The following ZNF486 variants were observed in gnomAD, a reference collection of about 807,000 sequenced individuals.
The protein encoded by ZNF486 is KRAB box only protein 2.
A neutral mutation model predicts 12.8 loss-of-function variants in ZNF486; 12 were observed. The ratio of observed to expected loss-of-function variants is 0.94; its 90% confidence interval spans 0.60 to 1.52. The LOEUF (loss-of-function observed/expected upper bound fraction) is 1.52. Among genes scored for constraint, ZNF486 ranks in the 40% most tolerant of loss-of-function variants. ZNF486 has a pLI of 0.00. For synonymous variants in ZNF486, 231 were observed against 184.9 expected, an observed-to-expected ratio of 1.25 and a Z score of -2.02; for missense variants, 738 against 545.0, an observed-to-expected ratio of 1.35 and a Z score of -3.53.
At chr19:20,172,855 C>G (rs1555714101) in intron 1 of ZNF486, among the ~76,000 whole-genome samples, 1 of 151,680 alleles carries the variant, frequency 6.6e-6, no homozygotes, top group Non-Finnish European at 1.5e-5. Context: ...GTTGGTCAGG[C>G]TGGTCTTGAA....
At chr19:20,169,854 G>A (rs964682111) in intron 1 of ZNF486, among the ~76,000 whole-genome samples, 3 of 149,656 alleles carry the variant, frequency 2.0e-5, no homozygotes, top group Non-Finnish European at 4.4e-5. Context: ...TGAAATCACC[G>A]TGTTCTTAGA....
Position 20,175,331 on chromosome 19 carries a change from ATT to A in ZNF486, c.30+7989_30+7990del, listed in dbSNP as rs782300626. ...GGTGTCTGTTTCAGAAGCCCTATTA[ATT>A]TTTTTTTTTTTTTTTTTATTGATCA... is the stretch of plus-strand genomic sequence containing the variant. On this transcript the variant is annotated intron_variant, in intron 1 of 3. Transcript: ENST00000335117. The A allele has an allele frequency of 1.8e-3, 210 of 119,868 alleles. 2 individuals carry two copies. The highest frequency in any genetic ancestry group is 9.2e-3 in the Admixed American group (106 of 11,462). The allele number at this position is 119,868 out of a possible 1,614,324, so 7.4% of individuals were successfully genotyped here.
chr19:20,170,510 T>A lies in ZNF486; in HGVS notation c.30+3150T>A, dbSNP rs118006115. Among the ~76,000 whole-genome samples the A allele has an allele frequency of 7.4e-3, 1,116 of 151,606 alleles. 19 individuals carry two copies. Among genetic ancestry groups the A allele is most frequent in the African/African-American group, 0.026 (1,064 of 41,318 alleles). ...TGAACCTGGGAGGTGAAGGTTGCAG[T>A]GAGCAGTGAGTCAAGATGGTGCCAC... is the stretch of plus-strand genomic sequence containing the variant. On this transcript the variant is annotated intron_variant, in intron 1 of 3. Coordinates refer to ENST00000335117, the MANE Select transcript of ZNF486 (RefSeq NM_052852.4).
At chr19:20,186,784 GTTT>G (rs57907168) in intron 3 of ZNF486, among the ~76,000 whole-genome samples, 81 of 122,454 alleles carry the variant, frequency 6.6e-4, no homozygotes, top group Non-Finnish European at 3.9e-4. Flanking sequence ...ATTTTCATAG[GTTT>G]TTTTTTTTTT....
At chr19:20,194,742 C>T (rs1221475550) in intron 3 of ZNF486, among the ~76,000 whole-genome samples, 2 of 151,786 alleles carry the variant, frequency 1.3e-5, no homozygotes, top group Non-Finnish European at 2.9e-5. Flanking sequence ...AAAAAAAATT[C>T]TCTGGTTATC....
Position 20,169,888 on chromosome 19 carries a change from G to GTT in ZNF486, c.30+2549_30+2550dup, listed in dbSNP as rs781968530. Among the ~76,000 whole-genome samples, 1,043 of 108,842 alleles carry GTT rather than the reference G, an allele frequency of 9.6e-3. 38 individuals are homozygous for GTT. The highest frequency in any genetic ancestry group is 0.031 in the African/African-American group (815 of 26,000). The allele number at this position is 108,842 out of a possible 152,430, so 71.4% of individuals were successfully genotyped here. A position where few individuals can be genotyped will look rare whatever the true frequency, so the allele number is the denominator to read the frequency against. On this transcript the variant is annotated intron_variant, in intron 1 of 3. Transcript: ENST00000335117. The stretch of plus-strand genomic sequence containing the variant: ...GAAGGGACATAAGATGGGGTTGTAT[G>GTT]TTTTTTTTTTTTTTTTTTTTTTGAG...
intron 1 of ZNF486, among the ~76,000 whole-genome samples, chr19:20,172,652 CTTTT>C (rs111564628): frequency 2.8e-5 from 4 of 140,772 alleles, no homozygotes; most frequent in Non-Finnish European, 6.2e-5. Context: ...TGTTTAAGTT[CTTTT>C]TTTTTTTTTG....
At chr19:20,190,635 T>C (rs542774510) in intron 3 of ZNF486, among the ~76,000 whole-genome samples, 119 of 152,316 alleles carry the variant, frequency 7.8e-4, no homozygotes, top group Non-Finnish European at 1.5e-3. Flanking sequence ...TCCTCTTACC[T>C]AGGTCTCCCA....
chr19:20,176,046 G>A (rs1033682796), intron 1 of ZNF486: 12 of 172,984 alleles, frequency 6.9e-5, no homozygotes, highest in South Asian at 2.1e-4. Flanking sequence ...GCTGCCGGGC[G>A]GAGATGCTAC....
intron 3 of ZNF486, chr19:20,188,433 C>T (rs530352692): frequency 7.5e-6 from 3 of 398,250 alleles, no homozygotes; most frequent in African/African-American, 2.1e-5. Context: ...TCTGTAATCC[C>T]AGGATTTTGG....
intron 3 of ZNF486, chr19:20,188,417 C>T: frequency 2.5e-6 from 1 of 398,454 alleles, no homozygotes; most frequent in Non-Finnish European, 4.4e-6. Context: ...ATGGTTGTGG[C>T]TCCCATCTGT....
intron 3 of ZNF486, among the ~76,000 whole-genome samples, chr19:20,187,759 TCC>T (rs1555716734): frequency 6.6e-6 from 1 of 152,084 alleles, no homozygotes; most frequent in Non-Finnish European, 1.5e-5. Context: ...CGCCTCGGCC[TCC>T]CAAAGTGCTG....
chr19:20,179,828 G>C (rs966535645), intron 1 of ZNF486, among the ~76,000 whole-genome samples: 1 of 152,208 alleles, frequency 6.6e-6, no homozygotes, highest in Non-Finnish European at 1.5e-5. Context: ...AATAGAATCT[G>C]ATGGCAGAAT....
intron 3 of ZNF486, among the ~76,000 whole-genome samples, chr19:20,189,822 T>C (rs1239173962): frequency 1.6e-4 from 24 of 151,418 alleles, no homozygotes; most frequent in African/African-American, 5.3e-4. Context: ...TTTTGATGTC[T>C]AGTGTAGTTA....
Position 20,197,220 on chromosome 19 carries a change from G to A in ZNF486, c.510G>A (p.Lys170=). Residue 170 remains lysine (K), a synonymous_variant, in exon 4 of 4, where the codon AAG becomes AAA. Coordinates refer to ENST00000335117, the MANE Select transcript of ZNF486 (RefSeq NM_052852.4). ...VKVFHQFSNS[K]RHKRRHTEKK... is the part of the protein sequence containing the mutation. ...TCTTTCATCAATTTTCAAATTCAAAGAGACATAAAAGAAGACATACTGAAA... is the reference window on the plus strand; with the variant it reads ...TCTTTCATCAATTTTCAAATTCAAAAAGACATAAAAGAAGACATACTGAAA... 4 of 1,612,710 alleles carry A rather than the reference G, an allele frequency of 2.5e-6. No individual in the cohort carries two copies. The highest frequency in any genetic ancestry group is 3.4e-6 in the Non-Finnish European group (4 of 1,179,670).
chr19:20,182,763 C>A (rs1555715772), intron 1 of ZNF486, among the ~76,000 whole-genome samples: 1 of 152,058 alleles, frequency 6.6e-6, no homozygotes, highest in African/African-American at 2.4e-5. Context: ...AATAGGTGGG[C>A]TTTTTCTGTC....
In ZNF486 at chr19:20,197,961, ATCC is replaced by A. The variant is rs2089978111; in HGVS notation, c.1254_1256del (p.Ser419del). On this transcript the variant is annotated inframe_deletion, in exon 4 of 4. Coordinates refer to ENST00000335117, the MANE Select transcript of ZNF486 (RefSeq NM_052852.4). ...AAGAATGTGGCAAAGCGTATACTAC[ATCC>A]TCAAATCTAACTGAACATAAGACAA... 1 of 1,613,514 alleles carries A rather than the reference ATCC, an allele frequency of 6.2e-7. No individual in the cohort carries two copies. Among genetic ancestry groups the A allele is most frequent in the Non-Finnish European group, 8.5e-7 (1 of 1,179,768 alleles).
chr19:20,195,025 T>G (rs960619863), intron 3 of ZNF486, among the ~76,000 whole-genome samples: 2 of 152,142 alleles, frequency 1.3e-5, no homozygotes, highest in Admixed American at 1.3e-4. Context: ...TATTTTTTTC[T>G]TATACAGAGT....
chr19:20,187,442 T>C (rs1461808144), intron 3 of ZNF486, among the ~76,000 whole-genome samples: 4 of 151,842 alleles, frequency 2.6e-5, no homozygotes, highest in Admixed American at 2.6e-4. Context: ...GCATTGACAA[T>C]GGGCACAATA....
Sources: allele counts gnomAD v4.1 joint callset (sites outside exome capture counted in the v4.1 genomes callset), GRCh38; gene constraint gnomAD v4.1.1; transcripts MANE v1.5; gene names NCBI Gene and HGNC (gene_info 2026-07-23, HGNC 2026-07-21).